The following HPSE variants were observed in gnomAD, a reference collection of about 807,000 sequenced individuals.
The protein encoded by HPSE is endo-glucoronidase.
A neutral mutation model predicts 65.1 loss-of-function variants in HPSE; 48 were observed. That is an observed-to-expected ratio of 0.74 (90% CI 0.58 to 0.94). The LOEUF (loss-of-function observed/expected upper bound fraction) is 0.94. HPSE is among the 40% of genes least tolerant of loss of function. HPSE has a pLI of 0.00. For synonymous variants in HPSE, 243 were observed against 260.0 expected (o/e 0.93, Z 0.63); for missense variants, 644 against 637.5 (o/e 1.01, Z -0.11).
intron 5 of HPSE, 43 bp downstream of exon 5, chr4:83,310,679 A>G (rs1458512207): frequency 1.2e-5 from 19 of 1,560,114 alleles, no homozygotes; most frequent in Non-Finnish European, 1.6e-5. Flanking sequence ...CTCAAAAGGA[A>G]AAAGAAGAAA....
intron 2 of HPSE, among the ~76,000 whole-genome samples, chr4:83,320,518 A>C (rs1455509490): frequency 6.6e-6 from 1 of 151,562 alleles, no homozygotes; most frequent in African/African-American, 2.4e-5. Context: ...GTGAGCCAAG[A>C]TCCCGCCATT....
intron 11 of HPSE, among the ~76,000 whole-genome samples, chr4:83,298,541 A>C (rs1299602090): frequency 6.6e-6 from 1 of 150,504 alleles, no homozygotes; most frequent in African/African-American, 2.5e-5. Flanking sequence ...GGACCCTAAT[A>C]ATTTTTAGGG....
rs543456695 is a variant in HPSE, at chr4:83,320,795, C to T, written c.374-1326G>A. Among the ~76,000 whole-genome samples the T allele has an allele frequency of 8.5e-5, 13 of 152,270 alleles. 1 individual carries two copies. The highest frequency in any genetic ancestry group is 5.9e-4 in the Admixed American group (9 of 15,292). On this transcript the variant is annotated intron_variant, in intron 2 of 11. Transcript: ENST00000311412. ...CTTGCATAACCCCAGTTTCCCCCACCGACCATCCCCCTAGACACAGGATGA... is the reference window on the plus strand; with the variant it reads ...CTTGCATAACCCCAGTTTCCCCCACTGACCATCCCCCTAGACACAGGATGA...
chr4:83,301,959 A>C lies in HPSE; in HGVS notation c.1325+191T>G, dbSNP rs150263030. Among the ~76,000 whole-genome samples the C allele has an allele frequency of 2.2e-3, 331 of 152,348 alleles. 1 individual carries two copies. Among genetic ancestry groups the C allele is most frequent in the African/African-American group, 7.4e-3 (306 of 41,576 alleles). On this transcript the variant is annotated intron_variant, in intron 10 of 11. Transcript: ENST00000311412. ...GTGACGAGCGAGGCCCCGTCTCAAA[A>C]AACAACAACAACAAAAGTAGCATTT...
At chr4:83,332,408 G>A (rs1737413895) in intron 1 of HPSE, among the ~76,000 whole-genome samples, 1 of 152,232 alleles carries the variant, frequency 6.6e-6, no homozygotes, top group Admixed American at 6.5e-5. Context: ...ATGCGTCTGG[G>A]GAGCAGGTAT....
At position 83,292,970 on chromosome 4, in the gene HPSE, C is replaced by A. The variant is rs1329940629; in HGVS notation, c.*2374G>T. The A allele has an allele frequency of 1.3e-5, 2 of 152,058 alleles. No homozygotes were observed. The highest frequency in any genetic ancestry group is 2.4e-5 in the African/African-American group (1 of 41,394). 9.4% of individuals were successfully genotyped at this position (152,058 alleles called of 1,614,324 possible). On this transcript the variant is annotated 3_prime_UTR_variant, in exon 12 of 12. Transcript: ENST00000311412. ...CGAGTCTTCACCACTACACAATTCA[C>A]CCCTGTAAGCAAAAAGTGTGTACCC...
At chr4:83,332,987 G>A (rs919618953) in intron 1 of HPSE, among the ~76,000 whole-genome samples, 1 of 151,500 alleles carries the variant, frequency 6.6e-6, no homozygotes, top group East Asian at 1.9e-4. Flanking sequence ...CTATGGTTCA[G>A]CATTTCTCTG....
intron 3 of HPSE, among the ~76,000 whole-genome samples, chr4:83,318,567 C>T (rs1028327562): frequency 6.6e-6 from 1 of 152,102 alleles, no homozygotes. Flanking sequence ...CTTTACCCTA[C>T]AGGAACTGAA....
At chr4:83,312,999 G>C in intron 4 of HPSE, 115 bp downstream of exon 4, 3 of 667,610 alleles carry the variant, frequency 4.5e-6, no homozygotes, top group Non-Finnish European at 4.7e-6. Context: ...TCCAGCCTGG[G>C]CAGCAGTGCG....
chr4:83,301,752 TG>T (rs962271797), intron 10 of HPSE, among the ~76,000 whole-genome samples: 1 of 152,218 alleles, frequency 6.6e-6, no homozygotes, highest in Admixed American at 6.5e-5. Context: ...GAACATTTTT[TG>T]CTACCTAAAG....
intron 4 of HPSE, among the ~76,000 whole-genome samples, chr4:83,311,226 GC>G (rs1736360807): frequency 6.6e-6 from 1 of 152,076 alleles, no homozygotes; most frequent in East Asian, 1.9e-4. Context: ...GATCACTTGA[GC>G]CCAGAAGGTC....
intron 3 of HPSE, among the ~76,000 whole-genome samples, chr4:83,317,507 C>G (rs1736699688): frequency 6.6e-6 from 1 of 152,076 alleles, no homozygotes; most frequent in African/African-American, 2.4e-5. Context: ...GTTTGTTGTA[C>G]CTTTTAGCAT....
rs1735635122 is a variant in HPSE, at chr4:83,293,919, G to A, written c.*1425C>T. ...CGGCAGTATGCTTTTTCTGATGGGT[G>A]CCTGTAGAGATGGCACATGAAGGAA... On this transcript the variant is annotated 3_prime_UTR_variant, in exon 12 of 12. Transcript: ENST00000311412. The A allele has an allele frequency of 1.3e-5, 2 of 152,188 alleles. No individual in the cohort carries two copies. Among genetic ancestry groups the A allele is most frequent in the East Asian group, 3.8e-4 (2 of 5,202 alleles). The allele number at this position is 152,188 out of a possible 1,614,324, so 9.4% of individuals were successfully genotyped here.
At position 83,304,630 on chromosome 4, in the gene HPSE, A is replaced by G. The variant is rs1360720032; in HGVS notation, c.1206+1573T>C. Among the ~76,000 whole-genome samples the G allele has an allele frequency of 2.0e-5, 3 of 152,188 alleles. No individual in the cohort carries two copies. In the East Asian group the frequency reaches 5.8e-4, roughly 29 times the overall value. ...CACTTGAGCCCAGGAGTTTGAGACC[A>G]GCCTGCACAATACAGTAAGACCTTG... On this transcript the variant is annotated intron_variant, in intron 9 of 11. Transcript: ENST00000311412.
chr4:83,297,771 A>T (rs1180149097), intron 11 of HPSE, among the ~76,000 whole-genome samples: 2 of 152,194 alleles, frequency 1.3e-5, no homozygotes, highest in Admixed American at 6.5e-5. Context: ...AGCCTGTATC[A>T]CCTCAATTTT....
chr4:83,334,921 G>T (rs930632198), upstream of HPSE: 8 of 1,331,954 alleles, frequency 6.0e-6, no homozygotes, highest in African/African-American at 1.1e-4. Context: ...CTCCCACTGC[G>T]CCCTCCATCC....
At position 83,334,843 on chromosome 4, in the gene HPSE, A is replaced by C. The variant is rs1737556559; in HGVS notation, c.-61T>G. The C allele has an allele frequency of 6.9e-7, 1 of 1,446,792 alleles. No individual in the cohort carries two copies. The highest frequency in any genetic ancestry group is 1.4e-5 in the African/African-American group (1 of 69,622). 89.6% of individuals were successfully genotyped at this position (1,446,792 alleles called of 1,614,324 possible). A position where few individuals can be genotyped will look rare whatever the true frequency, so the allele number is the denominator to read the frequency against. On this transcript the variant is annotated 5_prime_UTR_variant, in exon 1 of 12. Coordinates refer to ENST00000311412, the MANE Select transcript of HPSE (RefSeq NM_001098540.3). The stretch of plus-strand genomic sequence containing the variant: ...CGCGCAGCGGAGAGTCGAGAGCTCT[A>C]GCACTTCCTCCCGCCGAGCCCCAGC...
chr4:83,303,619 A>G (rs552603677), intron 9 of HPSE, among the ~76,000 whole-genome samples: 34 of 152,314 alleles, frequency 2.2e-4, no homozygotes, highest in African/African-American at 8.2e-4. Context: ...GTGTGAATGC[A>G]GCTTACTGCA....
At position 83,306,183 on chromosome 4, in the gene HPSE, G is replaced by A. The variant is rs201284168; in HGVS notation, c.1206+20C>T. 6.9e-6 allele frequency: 10 copies of A among 1,441,756 alleles called. No individual in the cohort carries two copies. Among genetic ancestry groups the A allele is most frequent in the Non-Finnish European group, 9.8e-6 (10 of 1,022,970 alleles). The allele number at this position is 1,441,756 out of a possible 1,614,324, so 89.3% of individuals were successfully genotyped here. ...ACTTTAATCTACTCCACTAGAATTA[G>A]GAAAATAATGGTCACTTACAGGTAA... On this transcript the variant is annotated intron_variant, in intron 9 of 11. Transcript: ENST00000311412.
Sources: allele counts gnomAD v4.1 joint callset (sites outside exome capture counted in the v4.1 genomes callset), GRCh38; gene constraint gnomAD v4.1.1; transcripts MANE v1.5; gene names NCBI Gene and HGNC (gene_info 2026-07-23, HGNC 2026-07-21).